The following MSRA variants were observed in gnomAD, a reference collection of about 807,000 sequenced individuals.
MSRA encodes the protein mitochondrial peptide methionine sulfoxide reductase.
In MSRA, 54 loss-of-function variants were observed where a neutral mutation model predicts 31.3. That is an observed-to-expected ratio of 1.73 (90% confidence interval 1.39 to 2.17). The LOEUF (loss-of-function observed/expected upper bound fraction) is 2.17, where lower values mean the gene tolerates loss of function less well. Ranked by LOEUF, MSRA falls within the 30% of genes most tolerant of loss-of-function variation. The pLI, the probability that MSRA is intolerant of heterozygous loss-of-function variation, is 0.00. For missense variants in MSRA, 507 were observed against 300.9 expected, an observed-to-expected ratio of 1.69 and a Z score of -5.07; for synonymous variants, 169 against 116.5, an observed-to-expected ratio of 1.45 and a Z score of -2.90.
At chr8:10,252,398 G>C (rs2975705) in intron 3 of MSRA, among the ~76,000 whole-genome samples, 148,076 of 152,254 alleles carry the variant, frequency 0.97, 72,124 homozygotes, top group East Asian at 1. Context: ...TCCTGTTTAT[G>C]ATTTCTGTTA....
At chr8:10,297,576 G>C (rs182927062) in intron 3 of MSRA, among the ~76,000 whole-genome samples, 1 of 152,160 alleles carries the variant, frequency 6.6e-6, no homozygotes, top group Admixed American at 6.6e-5. Context: ...GGGCATTTCT[G>C]TAAGTGGTTC....
chr8:10,394,950 T>C (rs1289948875), intron 5 of MSRA, among the ~76,000 whole-genome samples: 1 of 152,226 alleles, frequency 6.6e-6, no homozygotes, highest in Non-Finnish European at 1.5e-5. Context: ...GTCTCTTCGA[T>C]GTTGATGATA....
chr8:10,159,090 A>T (rs1356686317), intron 1 of MSRA, among the ~76,000 whole-genome samples: 1 of 152,254 alleles, frequency 6.6e-6, no homozygotes, highest in Non-Finnish European at 1.5e-5. Context: ...CAGATACCAG[A>T]TGATGGATGG....
chr8:10,089,597 A>G (rs1013956571), intron 1 of MSRA, among the ~76,000 whole-genome samples: 4 of 152,216 alleles, frequency 2.6e-5, no homozygotes, highest in East Asian at 3.9e-4. Flanking sequence ...TTGTGTTGCT[A>G]TAAAGGAATA....
chr8:10,408,782 A>G (rs551765992), intron 5 of MSRA, among the ~76,000 whole-genome samples: 4 of 110,454 alleles, frequency 3.6e-5, no homozygotes, highest in African/African-American at 1.1e-4. Context: ...ATGTTCTTGC[A>G]TATTTAGCTC....
intron 5 of MSRA, among the ~76,000 whole-genome samples, chr8:10,321,003 T>C (rs972306486): frequency 6.6e-6 from 1 of 152,162 alleles, no homozygotes; most frequent in Non-Finnish European, 1.5e-5. Flanking sequence ...AACATATCTT[T>C]TGGAGGGAGA....
intron 1 of MSRA, among the ~76,000 whole-genome samples, chr8:10,166,336 G>T (rs1042305295): frequency 6.6e-6 from 1 of 152,170 alleles, no homozygotes; most frequent in African/African-American, 2.4e-5. Flanking sequence ...GTATGTGCAT[G>T]TGTGTTTTTG....
At chr8:10,233,060 G>T (rs1481715234) in intron 2 of MSRA, among the ~76,000 whole-genome samples, 1 of 152,238 alleles carries the variant, frequency 6.6e-6, no homozygotes, top group African/African-American at 2.4e-5. Flanking sequence ...CCAAAGGCCA[G>T]TTTTCAGACC....
At chr8:10,176,937 A>C (rs1178813153) in intron 1 of MSRA, among the ~76,000 whole-genome samples, 1 of 152,238 alleles carries the variant, frequency 6.6e-6, no homozygotes, top group African/African-American at 2.4e-5. Context: ...CTCTTAGTAC[A>C]GAGTCTTGTC....
rs542171847 is a variant in MSRA, at chr8:10,390,160, C to G, written c.544-37988C>G. Among the ~76,000 whole-genome samples, 17 of 152,368 alleles carry G rather than the reference C, an allele frequency of 1.1e-4. No homozygotes were observed. The South Asian group carries it at 1.4e-3, about 13-fold the overall frequency. On this transcript the variant is annotated intron_variant, in intron 5 of 5. Transcript: ENST00000317173. ...CTGGTGATCCAGGCTGTGCCAGTCT[C>G]TGTACCTTGGGGAGTGCTCGGCACC...
intron 1 of MSRA, among the ~76,000 whole-genome samples, chr8:10,150,893 C>G (rs1803605364): frequency 6.6e-6 from 1 of 152,076 alleles, no homozygotes; most frequent in South Asian, 2.1e-4. Context: ...AGACAGGGAT[C>G]TCTCATTTTA....
At position 10,394,253 on chromosome 8, in the gene MSRA, T is replaced by C. The variant is rs184657474; in HGVS notation, c.544-33895T>C. Among the ~76,000 whole-genome samples, 460 of 152,320 alleles carry C rather than the reference T, an allele frequency of 3.0e-3. 2 individuals are homozygous for C. Among genetic ancestry groups the C allele is most frequent in the African/African-American group, 0.01 (435 of 41,570 alleles). On this transcript the variant is annotated intron_variant, in intron 5 of 5. Transcript: ENST00000317173. The stretch of plus-strand genomic sequence containing the variant: ...AAGTTAATACTATGCATCTGTACTT[T>C]TGGCAGCCAGAACCCTGTAGTCCCC...
At position 10,301,543 on chromosome 8, in the gene MSRA, G is replaced by C; in HGVS notation, c.341G>C (p.Gly114Ala). ...TTTTGTTTTTTCCAAGAAAAAACTG[G>C]CCATGCAGAAGTCGTCCGAGTGGTG... The part of the protein sequence containing the change: ...TYKEVCSEKT[G>A]HAEVVRVVYQ... The change falls in exon 4 of 6, where the codon GGC becomes GCC. Residue 114 changes from glycine (G) to alanine (A), a missense_variant. Gly to Ala is a moderately conservative substitution (Grantham distance 60). Transcript: ENST00000317173. 3.1e-6 allele frequency: 5 copies of C among 1,612,494 alleles called. No individual in the cohort carries two copies. The South Asian group carries it at 5.5e-5, about 18-fold the overall frequency.
At chr8:10,216,887 A>C (rs994187374) in intron 2 of MSRA, among the ~76,000 whole-genome samples, 2 of 152,186 alleles carry the variant, frequency 1.3e-5, no homozygotes, top group Admixed American at 6.5e-5. Context: ...TCTCTCTTCA[A>C]GTCCCTGCTT....
chr8:10,129,943 A>G (rs956626019), intron 1 of MSRA, among the ~76,000 whole-genome samples: 1 of 152,178 alleles, frequency 6.6e-6, no homozygotes, highest in African/African-American at 2.4e-5. Context: ...GACATAAAAT[A>G]TATAGAAGCA....
chr8:10,423,000 C>G (rs1191135050), intron 5 of MSRA, among the ~76,000 whole-genome samples: 2 of 152,346 alleles, frequency 1.3e-5, no homozygotes, highest in South Asian at 4.1e-4. Flanking sequence ...CTCCCTCTGT[C>G]CAGCACAGTG....
intron 5 of MSRA, among the ~76,000 whole-genome samples, chr8:10,389,166 A>T (rs917214559): frequency 4.6e-5 from 7 of 152,248 alleles, no homozygotes; most frequent in Middle Eastern, 3.4e-3. Context: ...AGCACAGGCA[A>T]TCCAGTCAGT....
chr8:10,161,034 CCCT>C (rs1270802188), intron 1 of MSRA, among the ~76,000 whole-genome samples: 1 of 152,098 alleles, frequency 6.6e-6, no homozygotes, highest in African/African-American at 2.4e-5. Flanking sequence ...CGAGAGCCTC[CCCT>C]CCTCTTTTTA....
rs570977344 is a variant in MSRA at position 10,079,872 on chromosome 8, C to A, written c.142+25214C>A. 2.0e-5 allele frequency among the ~76,000 whole-genome samples: 3 copies of A among 152,322 alleles called. No individual in the cohort carries two copies. In the East Asian group the frequency reaches 5.8e-4, roughly 29 times the overall value. On this transcript the variant is annotated intron_variant, in intron 1 of 5. Transcript: ENST00000317173. The stretch of plus-strand genomic sequence containing the variant: ...TTGCTGTGCAGCTTTGAGCTATTTA[C>A]CTAACTTCTCTGTTCATAAATTTGC...
Sources: gnomAD v4.1 joint callset for allele counts (sites outside exome capture counted in the v4.1 genomes callset) on GRCh38, gnomAD v4.1.1 for gene constraint, MANE v1.5 for transcripts, NCBI Gene and HGNC (gene_info 2026-07-23, HGNC 2026-07-21) for gene names.